The following UNC13A variants were observed in gnomAD, a reference collection of about 807,000 sequenced individuals.
UNC13A encodes the protein unc-13 homolog A, also known as protein unc-13 homolog A.
In UNC13A, 61 loss-of-function variants were observed where a neutral mutation model predicts 219.7. The observed-to-expected ratio is 0.28, with a 90% CI of 0.23 to 0.34. UNC13A has a LOEUF of 0.34. Ranked by LOEUF, UNC13A falls within the 10% of genes least tolerant of loss-of-function variation. The pLI is 1.00. For missense variants in UNC13A, 1,476 were observed against 2,270.3 expected (o/e 0.65, Z 7.11); for synonymous variants, 920 against 884.6 (o/e 1.04, Z -0.71).
At position 17,639,140 on chromosome 19, in the gene UNC13A, G is replaced by A. The variant is rs374503527; in HGVS notation, c.3024C>T (p.Tyr1008=). 103 of 1,613,656 alleles carry A rather than the reference G, an allele frequency of 6.4e-5. No homozygotes were observed. Among genetic ancestry groups the A allele is most frequent in the Middle Eastern group, 1.6e-4 (1 of 6,084 alleles). The change falls in exon 25 of 44, where the codon TAC becomes TAT. Residue 1008 remains tyrosine, a synonymous_variant. Coordinates refer to ENST00000519716, the MANE Select transcript of UNC13A (RefSeq NM_001080421.3). ...DCVKACLNST[Y]EYIFNNCHEL... ...CATGGCAGTTATTGAAGATGTACTC[G>A]TAGGTAGAATTAAGGCAGGCTTTCA...
intron 43 of UNC13A, among the ~76,000 whole-genome samples, chr19:17,608,710 G>A (rs549262430): frequency 1.3e-5 from 2 of 151,374 alleles, no homozygotes; most frequent in African/African-American, 4.9e-5. Context: ...TAGAGACGGG[G>A]TTTCACCGTG....
intron 35 of UNC13A, 128 bp downstream of exon 35, chr19:17,624,701 T>G: frequency 7.3e-7 from 1 of 1,369,840 alleles, no homozygotes; most frequent in Non-Finnish European, 9.7e-7. Flanking sequence ...GAATGGCCCT[T>G]GAGCCTGGAT....
intron 40 of UNC13A, 124 bp downstream of exon 40, chr19:17,618,297 G>T: frequency 9.4e-7 from 1 of 1,059,246 alleles, no homozygotes; most frequent in Non-Finnish European, 1.4e-6. Context: ...ACAGACAGGG[G>T]AACGAGGGAG....
chr19:17,607,495 T>G (rs1368281488), intron 43 of UNC13A, among the ~76,000 whole-genome samples: 1 of 146,540 alleles, frequency 6.8e-6, no homozygotes, highest in African/African-American at 2.5e-5. Context: ...GCCACGCTGG[T>G]CTCGAACTCC....
chr19:17,678,745 CGTGGGGACTCTCT>C (rs1402816544), intron 1 of UNC13A, among the ~76,000 whole-genome samples: 20 of 150,504 alleles, frequency 1.3e-4, no homozygotes, highest in Non-Finnish European at 8.9e-5. Context: ...AGCCTGCAGG[CGTGGGGACTCTCT>C]GTGAAGGGGG....
In UNC13A at chr19:17,626,777, G is replaced by A. The variant is rs1009369572; in HGVS notation, c.3929C>T (p.Pro1310Leu). 1.1e-5 allele frequency: 17 copies of A among 1,610,402 alleles called. No individual in the cohort carries two copies. Among genetic ancestry groups the A allele is most frequent in the Admixed American group, 3.3e-5 (2 of 59,740 alleles). ...CTGTTTGACACACTCTTCAATGTGC[G>A]GCTGGAAGCTGGGGACACAGAAGGG... ...LSRVFATSFQ[P>L]HIEECVKQMG... The change falls in exon 34 of 44, where the codon CCG (proline) becomes CTG (leucine). Residue 1310 changes from proline to leucine, a missense_variant. Coordinates refer to ENST00000519716, the MANE Select transcript of UNC13A (RefSeq NM_001080421.3).
At chr19:17,677,859 T>C (rs927679555) in intron 1 of UNC13A, among the ~76,000 whole-genome samples, 2 of 152,232 alleles carry the variant, frequency 1.3e-5, no homozygotes, top group Non-Finnish European at 2.9e-5. Flanking sequence ...CTTGTTCCAC[T>C]GGAGATGGTC....
Position 17,639,087 on chromosome 19 carries a change from T to C in UNC13A, c.3077A>G (p.Asp1026Gly). 1 of 1,593,108 alleles carries C rather than the reference T, an allele frequency of 6.3e-7. No homozygotes were observed. Among genetic ancestry groups the C allele is most frequent in the South Asian group, 1.1e-5 (1 of 87,860 alleles). ...HELYSREYQT[D>G]PAKKGEVLPE... ...CTGACCCATCTGGAGTCTCACCGGGTCTGTCTGGTACTCCCGGCTGTACAG... is the reference window on the plus strand; with the variant it reads ...CTGACCCATCTGGAGTCTCACCGGGCCTGTCTGGTACTCCCGGCTGTACAG... The change falls in exon 25 of 44, where the codon GAC becomes GGC. Residue 1026 changes from aspartate (D) to glycine (G), a missense_variant. By Grantham distance (94) the Asp-to-Gly change is moderately conservative. Coordinates refer to ENST00000519716, the MANE Select transcript of UNC13A (RefSeq NM_001080421.3).
chr19:17,615,120 C>T (rs972535996), intron 41 of UNC13A, among the ~76,000 whole-genome samples: 1 of 152,222 alleles, frequency 6.6e-6, no homozygotes, highest in Non-Finnish European at 1.5e-5. Context: ...GTTGAATCTC[C>T]TTTGGCTCTC....
In UNC13A at chr19:17,611,849, C is replaced by A; in HGVS notation, c.4565G>T (p.Gly1522Val). 6.2e-7 allele frequency: 1 copy of A among 1,613,946 alleles called. No individual in the cohort carries two copies. Among genetic ancestry groups the A allele is most frequent in the African/African-American group, 1.3e-5 (1 of 75,068 alleles). Reference sequence around the variant, plus strand: ...GACTTCACCCACAGGGTCTTCTACACCCAAGCCTGGGCAGGGCAGGGGAGG... The same window carrying A: ...GACTTCACCCACAGGGTCTTCTACAACCAAGCCTGGGCAGGGCAGGGGAGG... Reference protein sequence around the residue: ...FVQTQSAQGLGVEDPVGEVSV... With the variant: ...FVQTQSAQGLVVEDPVGEVSV... The change falls in exon 42 of 44, where the codon GGT becomes GTT. Residue 1522 changes from glycine (G) to valine (V), a missense_variant. By Grantham distance (109) the Gly-to-Val change is moderately radical. Coordinates refer to ENST00000519716, the MANE Select transcript of UNC13A (RefSeq NM_001080421.3).
At chr19:17,688,101 T>C (rs955677583) in intron 1 of UNC13A, 77 bp downstream of exon 1, 5 of 1,494,856 alleles carry the variant, frequency 3.3e-6, no homozygotes, top group Non-Finnish European at 2.7e-6. Flanking sequence ...AGGAACCCCC[T>C]GGGAGCCGCA....
At chr19:17,647,201 G>C in intron 17 of UNC13A, 64 bp downstream of exon 17, 1 of 1,431,534 alleles carries the variant, frequency 7.0e-7, no homozygotes, top group Middle Eastern at 2.4e-4. Context: ...CCATGGGACA[G>C]GGCATGAGAC....
intron 11 of UNC13A, among the ~76,000 whole-genome samples, chr19:17,653,361 G>T (rs1047530640): frequency 9.9e-5 from 15 of 151,338 alleles, no homozygotes; most frequent in African/African-American, 2.9e-4. Flanking sequence ...TTGTTTGTTT[G>T]TTTGAGACGG....
At chr19:17,650,847 G>C (rs2079331070) in intron 12 of UNC13A, among the ~76,000 whole-genome samples, 1 of 151,660 alleles carries the variant, frequency 6.6e-6, no homozygotes, top group South Asian at 2.1e-4. Context: ...GCTCACTGTA[G>C]CCTCCACCTC....
chr19:17,617,393 C>T (rs2076677642), intron 41 of UNC13A, among the ~76,000 whole-genome samples: 2 of 152,128 alleles, frequency 1.3e-5, no homozygotes, highest in Admixed American at 6.5e-5. Flanking sequence ...GGTTCCACAC[C>T]TAAGAGTCAT....
chr19:17,639,475 A>G lies in UNC13A; in HGVS notation c.2907T>C (p.Thr969=). Residue 969 remains threonine, a synonymous_variant, in exon 24 of 44, where the codon ACT becomes ACC. Coordinates refer to ENST00000519716, the MANE Select transcript of UNC13A (RefSeq NM_001080421.3). ...SPERLQDLKS[T]VDLLTSITFF... ...AGGTGATGCTGGTGAGAAGGTCCACAGTGGATTTGAGGTCCTGGAGTCTCT... is the reference window on the plus strand; with the variant it reads ...AGGTGATGCTGGTGAGAAGGTCCACGGTGGATTTGAGGTCCTGGAGTCTCT... 1.2e-6 allele frequency: 2 copies of G among 1,613,542 alleles called. No individual in the cohort carries two copies. Among genetic ancestry groups the G allele is most frequent in the Non-Finnish European group, 8.5e-7 (1 of 1,179,834 alleles).
chr19:17,655,473 T>G, intron 10 of UNC13A, 91 bp from the exon 11 acceptor site: 1 of 1,032,830 alleles, frequency 9.7e-7, no homozygotes, highest in Non-Finnish European at 1.4e-6. Flanking sequence ...GATGCATAGC[T>G]CCCCATGGTA....
intron 22 of UNC13A, among the ~76,000 whole-genome samples, chr19:17,640,239 G>A (rs1001832047): frequency 3.3e-5 from 5 of 152,212 alleles, no homozygotes; most frequent in Non-Finnish European, 5.9e-5. Flanking sequence ...GGTTTTCACC[G>A]TGTTGGCCAG....
chr19:17,606,408 CCCACGGCCCCGT>C, intron 43 of UNC13A, 54 bp from the exon 44 acceptor site: 1 of 1,521,642 alleles, frequency 6.6e-7, no homozygotes, highest in Admixed American at 2.0e-5. Flanking sequence ...TGATGCCCCG[CCCACGGCCCCGT>C]CCCCACCGCA....
Sources: allele counts gnomAD v4.1 joint callset (sites outside exome capture counted in the v4.1 genomes callset), GRCh38; gene constraint gnomAD v4.1.1; transcripts MANE v1.5; gene names NCBI Gene and HGNC (gene_info 2026-07-23, HGNC 2026-07-21).